The following INPP4B variants were observed in gnomAD, a reference collection of about 807,000 sequenced individuals.
INPP4B encodes inositol polyphosphate 4-phosphatase type II.
A neutral mutation model predicts 122.5 loss-of-function variants in INPP4B; 55 were observed. The ratio of observed to expected loss-of-function variants is 0.45; its 90% CI spans 0.36 to 0.56. INPP4B has a LOEUF of 0.56. Among genes scored for constraint, INPP4B ranks in the 20% least tolerant of loss-of-function variants. INPP4B has a pLI of 0.00. For synonymous variants in INPP4B, 403 were observed against 388.7 expected, an observed-to-expected ratio of 1.04 and a Z score of -0.43; for missense variants, 1,000 against 1,097.7, an observed-to-expected ratio of 0.91 and a Z score of 1.26.
At chr4:142,346,018 T>G (rs1780224001) in intron 7 of INPP4B, among the ~76,000 whole-genome samples, 1 of 152,142 alleles carries the variant, frequency 6.6e-6, no homozygotes, top group Non-Finnish European at 1.5e-5. Context: ...GTTGCAAATC[T>G]TTCTCATTAA....
intron 11 of INPP4B, among the ~76,000 whole-genome samples, chr4:142,239,817 C>T (rs2150000408): frequency 6.6e-6 from 1 of 151,934 alleles, no homozygotes; most frequent in East Asian, 1.9e-4. Context: ...TATTTAGCAA[C>T]ATATATAAAT....
At chr4:142,099,943 C>T (rs997595299) in intron 23 of INPP4B, among the ~76,000 whole-genome samples, 2 of 152,060 alleles carry the variant, frequency 1.3e-5, no homozygotes. Flanking sequence ...CTTATAAATC[C>T]AAGCAAGTGG....
chr4:142,558,808 A>AC (rs1345931339), intron 2 of INPP4B, among the ~76,000 whole-genome samples: 3 of 149,768 alleles, frequency 2.0e-5, no homozygotes, highest in Admixed American at 2.0e-4. Context: ...AAAAAAAAAA[A>AC]AAAAAAAAAA....
intron 10 of INPP4B, among the ~76,000 whole-genome samples, chr4:142,269,024 G>C (rs1317208754): frequency 2.0e-5 from 3 of 152,030 alleles, no homozygotes; most frequent in Admixed American, 6.5e-5. Context: ...TTAATACAGA[G>C]TTTTGTTGAA....
chr4:142,077,704 C>T (rs1771569852), intron 25 of INPP4B, among the ~76,000 whole-genome samples: 1 of 151,192 alleles, frequency 6.6e-6, no homozygotes, highest in African/African-American at 2.4e-5. Context: ...AAAAAAAAAC[C>T]TGCAAATTAT....
chr4:142,035,214 T>C (rs897844337), intron 25 of INPP4B, among the ~76,000 whole-genome samples: 2 of 152,186 alleles, frequency 1.3e-5, no homozygotes, highest in African/African-American at 4.8e-5. Flanking sequence ...AGATTCTACC[T>C]GGCCTCTTAG....
chr4:142,325,576 A>G (rs948966570), intron 7 of INPP4B, among the ~76,000 whole-genome samples: 2 of 152,326 alleles, frequency 1.3e-5, no homozygotes, highest in African/African-American at 4.8e-5. Context: ...AGTTCATTCT[A>G]TAGGCTTCCA....
intron 12 of INPP4B, among the ~76,000 whole-genome samples, chr4:142,212,216 C>T (rs949193829): frequency 6.6e-6 from 1 of 152,052 alleles, no homozygotes; most frequent in Non-Finnish European, 1.5e-5. Context: ...TAAGTACAGT[C>T]CTTTAGAGTG....
intron 7 of INPP4B, among the ~76,000 whole-genome samples, chr4:142,400,078 C>T (rs760449976): frequency 1.3e-5 from 2 of 152,178 alleles, no homozygotes; most frequent in Non-Finnish European, 2.9e-5. Flanking sequence ...AGTGAGGTAA[C>T]ATCTGCATCA....
chr4:142,184,209 A>C (rs773078065), intron 15 of INPP4B, among the ~76,000 whole-genome samples: 2 of 152,232 alleles, frequency 1.3e-5, no homozygotes, highest in Non-Finnish European at 2.9e-5. Context: ...GGTTGTTGGA[A>C]GAATGTCACA....
intron 12 of INPP4B, among the ~76,000 whole-genome samples, chr4:142,221,027 G>T (rs963277592): frequency 1.3e-5 from 2 of 152,056 alleles, no homozygotes; most frequent in African/African-American, 4.8e-5. Flanking sequence ...TGTGAATTTG[G>T]CAGGGGCAAG....
intron 2 of INPP4B, among the ~76,000 whole-genome samples, chr4:142,668,787 G>A (rs1185665155): frequency 6.6e-6 from 1 of 151,788 alleles, no homozygotes; most frequent in African/African-American, 2.4e-5. Flanking sequence ...GGTGGCTCAT[G>A]CCTGTAATCC....
At chr4:142,792,167 C>T (rs1217064863) in intron 1 of INPP4B, among the ~76,000 whole-genome samples, 3 of 152,116 alleles carry the variant, frequency 2.0e-5, no homozygotes, top group Non-Finnish European at 4.4e-5. Flanking sequence ...GCAGAAGGAT[C>T]GCTTGAGCCC....
chr4:142,350,941 T>C (rs564819195), intron 7 of INPP4B, among the ~76,000 whole-genome samples: 2 of 151,968 alleles, frequency 1.3e-5, no homozygotes, highest in Non-Finnish European at 2.9e-5. Context: ...GGAGCCCAGA[T>C]GGAAACTGAA....
intron 2 of INPP4B, among the ~76,000 whole-genome samples, chr4:142,495,337 A>C (rs1822402976): frequency 6.6e-6 from 1 of 152,078 alleles, no homozygotes; most frequent in African/African-American, 2.4e-5. Flanking sequence ...CTCTCTAGAT[A>C]TACACATATG....
chr4:142,586,208 A>G (rs1389200948), intron 2 of INPP4B, among the ~76,000 whole-genome samples: 1 of 152,072 alleles, frequency 6.6e-6, no homozygotes, highest in Admixed American at 6.6e-5. Flanking sequence ...TCTACTCAGG[A>G]GGCTAATGCA....
intron 1 of INPP4B, among the ~76,000 whole-genome samples, chr4:142,786,957 T>C (rs1490574253): frequency 6.6e-6 from 1 of 152,116 alleles, no homozygotes; most frequent in Non-Finnish European, 1.5e-5. Flanking sequence ...AAATAAACTA[T>C]ATACATGCTA....
At chr4:142,083,947 T>C (rs1484737611) in intron 24 of INPP4B, among the ~76,000 whole-genome samples, 2 of 152,196 alleles carry the variant, frequency 1.3e-5, no homozygotes, top group African/African-American at 2.4e-5. Context: ...TTTAATGTTC[T>C]AAATTTAAAG....
intron 1 of INPP4B, among the ~76,000 whole-genome samples, chr4:142,792,651 T>C (rs1285274238): frequency 6.6e-6 from 1 of 151,992 alleles, no homozygotes; most frequent in Non-Finnish European, 1.5e-5. Flanking sequence ...ATATTCTCAT[T>C]AATTTTAGAG....
Sources: allele counts gnomAD v4.1 joint callset (sites outside exome capture counted in the v4.1 genomes callset), GRCh38; gene constraint gnomAD v4.1.1; transcripts MANE v1.5; gene names NCBI Gene and HGNC (gene_info 2026-07-23, HGNC 2026-07-21).